ESRRG: variants seen among roughly 807,000 people sequenced by gnomAD.
ESRRG encodes estrogen related receptor gamma, also known as estrogen-related receptor gamma.
A neutral mutation model predicts 44.0 loss-of-function variants in ESRRG; 13 were observed. The observed-to-expected ratio is 0.30, with a 90% CI of 0.19 to 0.47. ESRRG has a LOEUF of 0.47. Among genes scored for constraint, ESRRG ranks in the 20% least tolerant of loss-of-function variants. ESRRG has a pLI of 1.00. For missense variants in ESRRG, 395 were observed against 580.6 expected, an observed-to-expected ratio of 0.68 and a Z score of 3.29; for synonymous variants, 215 against 214.6, an observed-to-expected ratio of 1.00 and a Z score of -0.02.
At chr1:216,551,189 AC>A (rs2056225331) in intron 5 of ESRRG, among the ~76,000 whole-genome samples, 1 of 150,014 alleles carries the variant, frequency 6.7e-6, no homozygotes, top group South Asian at 2.1e-4. Flanking sequence ...TAAAATACTC[AC>A]AGAGACAGTC....
intron 2 of ESRRG, among the ~76,000 whole-genome samples, chr1:216,779,145 T>C (rs1370233311): frequency 1.8e-5 from 2 of 110,408 alleles, no homozygotes; most frequent in East Asian, 4.7e-4. Flanking sequence ...TAAATATATA[T>C]TTATATATAT....
At chr1:216,639,082 A>G (rs897357336) in intron 3 of ESRRG, among the ~76,000 whole-genome samples, 3 of 152,182 alleles carry the variant, frequency 2.0e-5, no homozygotes, top group African/African-American at 7.2e-5. Context: ...GATACTGAAG[A>G]ACCTAATAGG....
At chr1:216,991,143 G>A (rs907159813) in intron 1 of ESRRG, among the ~76,000 whole-genome samples, 1 of 151,976 alleles carries the variant, frequency 6.6e-6, no homozygotes, top group African/African-American at 2.4e-5. Flanking sequence ...TATGAGAATT[G>A]AAGTAATGCC....
chr1:216,683,025 C>T (rs913189775), intron 1 of ESRRG, among the ~76,000 whole-genome samples: 15 of 152,256 alleles, frequency 9.9e-5, no homozygotes, highest in African/African-American at 2.4e-4. Context: ...CAGAAATCAA[C>T]GGTGCAACGT....
At chr1:217,121,119 T>TATATAC (rs996002965) in intron 1 of ESRRG, among the ~76,000 whole-genome samples, 3 of 148,458 alleles carry the variant, frequency 2.0e-5, no homozygotes, top group Admixed American at 6.7e-5. Context: ...TCTTGAAGAA[T>TATATAC]ACACACACAC....
At chr1:216,801,078 C>T (rs1430061848) in intron 2 of ESRRG, among the ~76,000 whole-genome samples, 1 of 151,982 alleles carries the variant, frequency 6.6e-6, no homozygotes, top group East Asian at 1.9e-4. Flanking sequence ...TAACATATCC[C>T]TCATCTCACA....
chr1:216,827,798 T>C (rs2095422884), intron 2 of ESRRG, among the ~76,000 whole-genome samples: 1 of 152,092 alleles, frequency 6.6e-6, no homozygotes, highest in Admixed American at 6.5e-5. Flanking sequence ...ACCATGTAAA[T>C]AACCACAATA....
At chr1:216,734,850 CT>C (rs1296805699) in intron 2 of ESRRG, among the ~76,000 whole-genome samples, 2 of 151,938 alleles carry the variant, frequency 1.3e-5, no homozygotes, top group Admixed American at 6.5e-5. Context: ...AATTTCCCCC[CT>C]CTACCCTGTA....
At chr1:216,591,251 C>G (rs183552341) in intron 3 of ESRRG, among the ~76,000 whole-genome samples, 1 of 152,178 alleles carries the variant, frequency 6.6e-6, no homozygotes, top group Admixed American at 6.5e-5. Context: ...TTTAATCATT[C>G]ATGCCTACAT....
intron 1 of ESRRG, chr1:216,707,289 G>C: frequency 6.7e-7 from 1 of 1,499,158 alleles, no homozygotes; most frequent in Non-Finnish European, 8.9e-7. Flanking sequence ...TACAAGTAAC[G>C]TTGAGCATTT....
chr1:217,056,995 C>G (rs928275630), intron 1 of ESRRG, among the ~76,000 whole-genome samples: 1 of 152,008 alleles, frequency 6.6e-6, no homozygotes, highest in Admixed American at 6.6e-5. Context: ...TCCTCTTTAC[C>G]ATCTGAGTAC....
intron 1 of ESRRG, among the ~76,000 whole-genome samples, chr1:217,002,886 A>G (rs1356448696): frequency 6.6e-6 from 1 of 152,152 alleles, no homozygotes; most frequent in Non-Finnish European, 1.5e-5. Flanking sequence ...CCCATGAGTG[A>G]CCATGAGCCA....
chr1:216,717,933 T>A (rs1394497376), intron 1 of ESRRG, among the ~76,000 whole-genome samples: 2 of 151,854 alleles, frequency 1.3e-5, no homozygotes, highest in African/African-American at 4.8e-5. Flanking sequence ...AAGAGCTAAT[T>A]CAAAATTGTT....
intron 2 of ESRRG, among the ~76,000 whole-genome samples, chr1:216,794,527 C>T (rs2094421054): frequency 6.6e-6 from 1 of 152,164 alleles, no homozygotes; most frequent in African/African-American, 2.4e-5. Flanking sequence ...AATCCCATTA[C>T]CATGTAGAGA....
At chr1:216,697,245 C>T (rs972571905) in intron 1 of ESRRG, among the ~76,000 whole-genome samples, 10 of 152,176 alleles carry the variant, frequency 6.6e-5, no homozygotes, top group African/African-American at 1.9e-4. Flanking sequence ...GAATTACAAG[C>T]GTGAGCCACT....
At chr1:216,895,316 G>C (rs767885967) in intron 2 of ESRRG, among the ~76,000 whole-genome samples, 2 of 152,048 alleles carry the variant, frequency 1.3e-5, no homozygotes, top group African/African-American at 4.8e-5. Flanking sequence ...ATCCATCTAA[G>C]AGCAAACTCA....
intron 2 of ESRRG, among the ~76,000 whole-genome samples, chr1:216,831,766 T>C (rs2095491142): frequency 6.6e-6 from 1 of 152,168 alleles, no homozygotes; most frequent in Non-Finnish European, 1.5e-5. Context: ...GATTCCTGAT[T>C]ACTAAGACCT....
At chr1:216,591,653 A>G (rs2057688231) in intron 3 of ESRRG, among the ~76,000 whole-genome samples, 1 of 152,190 alleles carries the variant, frequency 6.6e-6, no homozygotes, top group African/African-American at 2.4e-5. Flanking sequence ...ACCAGCCTGG[A>G]GCATCTTTTT....
At chr1:216,521,934 G>C (rs1220879420) in intron 5 of ESRRG, among the ~76,000 whole-genome samples, 1 of 152,100 alleles carries the variant, frequency 6.6e-6, no homozygotes, top group African/African-American at 2.4e-5. Context: ...TAGTGCTGAT[G>C]ATGGAGAAGG....
Sources: allele counts gnomAD v4.1 joint callset (sites outside exome capture counted in the v4.1 genomes callset), GRCh38; gene constraint gnomAD v4.1.1; transcripts MANE v1.5; gene names NCBI Gene and HGNC (gene_info 2026-07-23, HGNC 2026-07-21).